Variants in FGFR2 observed in about 807,000 individuals in gnomAD.
The protein encoded by FGFR2 is fibroblast growth factor receptor 2.
Under a neutral mutation model 95.9 loss-of-function variants are expected in FGFR2, and 19 were observed. The observed-to-expected ratio is 0.20, with a 90% confidence interval of 0.14 to 0.29. FGFR2 has a LOEUF of 0.29. FGFR2 is among the 10% of genes least tolerant of loss of function. The pLI is 1.00. For missense variants in FGFR2, 707 were observed against 1,056.9 expected (o/e 0.67, Z 4.59); for synonymous variants, 392 against 393.3 (o/e 1.00, Z 0.04).
chr10:121,521,946 C>T (rs1472359943), intron 6 of FGFR2, among the ~76,000 whole-genome samples: 3 of 152,250 alleles, frequency 2.0e-5, no homozygotes, highest in African/African-American at 4.8e-5. Flanking sequence ...ATATACACAA[C>T]GGAATACTAT....
chr10:121,523,425 C>A (rs180956662), intron 6 of FGFR2, among the ~76,000 whole-genome samples: 12 of 152,116 alleles, frequency 7.9e-5, no homozygotes, highest in Non-Finnish European at 1.8e-4. Flanking sequence ...GGGCAGTGAC[C>A]GAGGTCTGAT....
intron 17 of FGFR2, 77 bp downstream of exon 17, chr10:121,483,621 G>A: frequency 9.8e-7 from 1 of 1,019,586 alleles, no homozygotes; most frequent in Non-Finnish European, 1.5e-6. Flanking sequence ...CAGCCAACAG[G>A]GGAGTGTGTG....
At chr10:121,568,138 C>T (rs765315009) in intron 2 of FGFR2, among the ~76,000 whole-genome samples, 5 of 152,104 alleles carry the variant, frequency 3.3e-5, no homozygotes, top group Non-Finnish European at 5.9e-5. Flanking sequence ...GAGGAGAAGA[C>T]GGCAGGGATT....
intron 2 of FGFR2, among the ~76,000 whole-genome samples, chr10:121,569,952 G>A (rs938578282): frequency 3.9e-5 from 6 of 152,232 alleles, no homozygotes; most frequent in Admixed American, 2.6e-4. Flanking sequence ...AAGAGAGAAA[G>A]AGGTTGGGGA....
intron 2 of FGFR2, among the ~76,000 whole-genome samples, chr10:121,578,402 T>C (rs1385253827): frequency 6.6e-6 from 1 of 152,032 alleles, no homozygotes; most frequent in East Asian, 1.9e-4. Flanking sequence ...TCCGTGAAAA[T>C]CCCGATTCCC....
At chr10:121,482,516 A>C (rs1844890661) in intron 17 of FGFR2, among the ~76,000 whole-genome samples, 1 of 152,308 alleles carries the variant, frequency 6.6e-6, no homozygotes, top group Admixed American at 6.5e-5. Context: ...GGGGACTTTA[A>C]CTTTTTTCTT....
chr10:121,533,066 A>G (rs1852309344), intron 6 of FGFR2, among the ~76,000 whole-genome samples: 1 of 152,222 alleles, frequency 6.6e-6, no homozygotes, highest in African/African-American at 2.4e-5. Flanking sequence ...GGATGCGGAC[A>G]GGCAGGGGGA....
chr10:121,533,904 G>GA (rs964254950), intron 6 of FGFR2, among the ~76,000 whole-genome samples: 1 of 152,016 alleles, frequency 6.6e-6, no homozygotes, highest in African/African-American at 2.4e-5. Context: ...AGTGGGGGAG[G>GA]GGAGGGGTGG....
At chr10:121,515,681 TA>T (rs1849625574) in intron 8 of FGFR2, among the ~76,000 whole-genome samples, 1 of 151,768 alleles carries the variant, frequency 6.6e-6, no homozygotes, top group African/African-American at 2.4e-5. Context: ...GCAAACCAAA[TA>T]AAAAATTCTG....
rs1466651602 is a variant in FGFR2, at chr10:121,543,211, T to C, written c.625-4496A>G. On this transcript the variant is annotated intron_variant, in intron 5 of 17. Coordinates refer to ENST00000358487, the MANE Select transcript of FGFR2 (RefSeq NM_000141.5). ...AGTTCATTCAACAGGTGAGTTGCCATTAAAATGCAAAAAATCTGCCAGGTG... is the reference window on the plus strand; with the variant it reads ...AGTTCATTCAACAGGTGAGTTGCCACTAAAATGCAAAAAATCTGCCAGGTG... Among the ~76,000 whole-genome samples the C allele has an allele frequency of 5.3e-5, 8 of 152,084 alleles. No homozygotes were observed. The South Asian group carries it at 1.2e-3, about 24-fold the overall frequency.
chr10:121,581,416 G>A (rs1400090328), intron 2 of FGFR2, among the ~76,000 whole-genome samples: 1 of 152,012 alleles, frequency 6.6e-6, no homozygotes, highest in Non-Finnish European at 1.5e-5. Flanking sequence ...GGGTTTGCTG[G>A]GGAATCCAGG....
Position 121,586,864 on chromosome 10 carries a change from TCAC to T in FGFR2, c.109+6842_109+6844del, listed in dbSNP as rs1861908342. On this transcript the variant is annotated intron_variant, in intron 2 of 17. Transcript: ENST00000358487. ...GGAGACATCTTCAAGACGTGAAGGA[TCAC>T]CACAATGACCTGTCCAGCATCTTGT... Among the ~76,000 whole-genome samples, 3 of 152,304 alleles carry T rather than the reference TCAC, an allele frequency of 2.0e-5. No homozygotes were observed. The South Asian group carries it at 6.2e-4, about 32-fold the overall frequency.
At chr10:121,566,639 C>T (rs923409171) in intron 2 of FGFR2, among the ~76,000 whole-genome samples, 5 of 152,114 alleles carry the variant, frequency 3.3e-5, no homozygotes, top group African/African-American at 1.2e-4. Context: ...TCCCCCTGGG[C>T]GGAAGAGCAC....
At chr10:121,554,102 AAC>A (rs1855774104) in intron 4 of FGFR2, among the ~76,000 whole-genome samples, 1 of 152,184 alleles carries the variant, frequency 6.6e-6, no homozygotes, top group South Asian at 2.1e-4. Context: ...GCTTCTGCAA[AAC>A]ACAGACACAG....
chr10:121,538,571 C>G (rs2134599325), intron 6 of FGFR2, 21 bp downstream of exon 6: 1 of 1,614,180 alleles, frequency 6.2e-7, no homozygotes, highest in Non-Finnish European at 8.5e-7. Context: ...GCAGCCGCCA[C>G]ACGAGGAGAG....
chr10:121,486,816 G>T (rs1456947890), intron 15 of FGFR2, among the ~76,000 whole-genome samples: 1 of 152,152 alleles, frequency 6.6e-6, no homozygotes, highest in African/African-American at 2.4e-5. Context: ...TATCATAATA[G>T]AAATATTCTA....
chr10:121,578,872 T>G (rs765755966), intron 2 of FGFR2, among the ~76,000 whole-genome samples: 4 of 152,192 alleles, frequency 2.6e-5, no homozygotes, highest in Non-Finnish European at 4.4e-5. Context: ...ATTGTGCCAT[T>G]GCACTCCAGC....
rs121918496 is a variant in FGFR2 at position 121,517,377 on chromosome 10, G to A, written c.1026C>T (p.Cys342=). The change falls in exon 8 of 18, where the codon TGC becomes TGT. Residue 342 remains cysteine, a synonymous_variant. Coordinates refer to ENST00000358487, the MANE Select transcript of FGFR2 (RefSeq NM_000141.5). This position sits in a 1 kb window ranked among gnomAD's most constrained non-coding sequence, Gnocchi z 4.7. ...ATATCCCAATAGAATTACCCGCCAAGCACGTATATTCCCCAGCGTCCTCAA... is the reference window on the plus strand; with the variant it reads ...ATATCCCAATAGAATTACCCGCCAAACACGTATATTCCCCAGCGTCCTCAA... ...VTFEDAGEYT[C]LAGNSIGISF... The A allele has an allele frequency of 6.2e-7, 1 of 1,614,164 alleles. No individual in the cohort carries two copies. Among genetic ancestry groups the A allele is most frequent in the South Asian group, 1.1e-5 (1 of 91,084 alleles).
In FGFR2 at chr10:121,500,845, C is replaced by A. The variant is rs1847511561; in HGVS notation, c.1542G>T (p.Val514=). The change falls in exon 11 of 18, where the codon GTG becomes GTT. Residue 514 remains valine (V), a synonymous_variant. Coordinates refer to ENST00000358487, the MANE Select transcript of FGFR2 (RefSeq NM_000141.5). Reference sequence around the variant, plus strand: ...GCTCACCTTTCAACATCTTCACGGCCACGGTGACCGCCTCCTTGGGCTTGT... The same window carrying A: ...GCTCACCTTTCAACATCTTCACGGCAACGGTGACCGCCTCCTTGGGCTTGT... ...DKDKPKEAVT[V]AVKMLKDDAT... is the part of the protein sequence containing the mutation. 1 of 1,614,066 alleles carries A rather than the reference C, an allele frequency of 6.2e-7. No homozygotes were observed. The highest frequency in any genetic ancestry group is 1.3e-5 in the African/African-American group (1 of 74,942).
Sources: gnomAD v4.1 joint callset for allele counts (sites outside exome capture counted in the v4.1 genomes callset) on GRCh38, gnomAD v4.1.1 for gene constraint, Gnocchi (gnomAD v3.1) non-coding constraint, MANE v1.5 for transcripts, NCBI Gene and HGNC (gene_info 2026-07-23, HGNC 2026-07-21) for gene names.